Variants in DNER observed in about 807,000 individuals in gnomAD.
DNER encodes the protein delta/notch like EGF repeat containing, also known as delta and Notch-like epidermal growth factor-related receptor.
DNER carries 33 observed loss-of-function variants against 78.2 expected under a neutral mutation model. The ratio of observed to expected loss-of-function variants is 0.42; its 90% CI spans 0.32 to 0.56. The LOEUF is 0.56. Ranked by LOEUF, DNER falls within the 20% of genes least tolerant of loss-of-function variation. The probability of loss-of-function intolerance (pLI) is 0.11; values close to 1 mark genes in which losing one functional copy is unlikely to be tolerated. For missense variants in DNER, 918 were observed against 975.3 expected (o/e 0.94, Z 0.78); for synonymous variants, 417 against 384.8 (o/e 1.08, Z -0.98).
chr2:229,466,509 C>G (rs971617663), intron 7 of DNER, among the ~76,000 whole-genome samples: 1 of 151,918 alleles, frequency 6.6e-6, no homozygotes, highest in Admixed American at 6.6e-5. Flanking sequence ...CCTCTTCAGA[C>G]TCTACCACCT....
chr2:229,435,585 G>A (rs74352267), intron 8 of DNER, among the ~76,000 whole-genome samples: 1,788 of 152,254 alleles, frequency 0.012, 13 homozygotes, highest in Middle Eastern at 0.021. Flanking sequence ...GTATTTTTAC[G>A]GAGTAGTAAA....
chr2:229,380,452 C>T (rs776754363), intron 11 of DNER, among the ~76,000 whole-genome samples: 3 of 152,214 alleles, frequency 2.0e-5, no homozygotes, highest in East Asian at 1.9e-4. Flanking sequence ...TGACAGAGCG[C>T]GGAAGGGAGT....
intron 11 of DNER, among the ~76,000 whole-genome samples, chr2:229,381,627 C>T (rs936721101): frequency 1.4e-4 from 21 of 152,096 alleles, no homozygotes; most frequent in Admixed American, 5.9e-4. Flanking sequence ...CTTGAGTAGG[C>T]GGTTTTCCCC....
intron 8 of DNER, among the ~76,000 whole-genome samples, chr2:229,446,233 T>C (rs1020814101): frequency 6.6e-6 from 1 of 152,204 alleles, no homozygotes; most frequent in African/African-American, 2.4e-5. Flanking sequence ...GCTCACTAAA[T>C]AGTGGCTTAG....
chr2:229,637,365 T>A (rs1009799691), intron 1 of DNER, among the ~76,000 whole-genome samples: 1 of 152,264 alleles, frequency 6.6e-6, no homozygotes, highest in Non-Finnish European at 1.5e-5. Context: ...TCTTGGTCCA[T>A]AGTGGTGTGC....
intron 7 of DNER, among the ~76,000 whole-genome samples, chr2:229,448,247 A>G (rs1402227550): frequency 6.6e-6 from 1 of 152,246 alleles, no homozygotes; most frequent in Admixed American, 6.5e-5. Flanking sequence ...GCATTATGCT[A>G]AGTAAAAGAA....
rs189561230 is a variant in DNER, at chr2:229,591,016, C to T, written c.585+564G>A. 5.9e-5 allele frequency among the ~76,000 whole-genome samples: 9 copies of T among 152,336 alleles called. No individual in the cohort carries two copies. In the East Asian group the frequency reaches 9.6e-4, roughly 16 times the overall value. ...GACACACTGGCTCCCCTTTGCCTTC[C>T]GCCATGATTGTAAGCTTCCAGAGGC... On this transcript the variant is annotated intron_variant, in intron 2 of 12. Coordinates refer to ENST00000341772, the MANE Select transcript of DNER (RefSeq NM_139072.4). The surrounding 1 kb of genome is among the most constrained non-coding windows in gnomAD (Gnocchi z 4.6).
chr2:229,420,849 A>G (rs892237168), intron 8 of DNER, among the ~76,000 whole-genome samples: 1 of 152,230 alleles, frequency 6.6e-6, no homozygotes, highest in Non-Finnish European at 1.5e-5. Context: ...CTGCTATGAA[A>G]AACTACAGAG....
intron 11 of DNER, among the ~76,000 whole-genome samples, chr2:229,377,362 T>C (rs1692630208): frequency 6.6e-6 from 1 of 152,196 alleles, no homozygotes; most frequent in Non-Finnish European, 1.5e-5. Flanking sequence ...TTATAAAGCT[T>C]ACTCAAACAA....
chr2:229,485,364 T>A (rs1245130196), intron 6 of DNER, among the ~76,000 whole-genome samples: 1 of 152,216 alleles, frequency 6.6e-6, no homozygotes, highest in Admixed American at 6.5e-5. Context: ...GACCAGACAC[T>A]TGAAGGAAAT....
In DNER at chr2:229,617,494, C is replaced by T. The variant is rs543203116; in HGVS notation, c.277-25606G>A. On this transcript the variant is annotated intron_variant, in intron 1 of 12. Transcript: ENST00000341772. ...GTCTTCTGAAAAAGGCTCTTAAAGA[C>T]TGATCCACTAAACACATTGGTTGTA... Among the ~76,000 whole-genome samples, 82 of 152,280 alleles carry T rather than the reference C, an allele frequency of 5.4e-4. 3 individuals carry two copies. In the South Asian group the frequency reaches 0.016, roughly 29 times the overall value.
chr2:229,690,834 A>C (rs1190010446), intron 1 of DNER, among the ~76,000 whole-genome samples: 3 of 152,240 alleles, frequency 2.0e-5, no homozygotes, highest in Non-Finnish European at 4.4e-5. Flanking sequence ...TTGTGTGTAT[A>C]CATGTTTGTA....
chr2:229,420,070 A>C (rs752276704), intron 8 of DNER, among the ~76,000 whole-genome samples: 1 of 151,754 alleles, frequency 6.6e-6, no homozygotes, highest in Non-Finnish European at 1.5e-5. Context: ...TCAGCAAACT[A>C]TGGCCCACAG....
At chr2:229,624,242 A>C (rs1434976044) in intron 1 of DNER, among the ~76,000 whole-genome samples, 1 of 152,130 alleles carries the variant, frequency 6.6e-6, no homozygotes, top group Non-Finnish European at 1.5e-5. Flanking sequence ...GGAAAACACA[A>C]CTCTAAGTTA....
intron 11 of DNER, among the ~76,000 whole-genome samples, chr2:229,387,515 GAAAGAA>G (rs1692906151): frequency 4.5e-4 from 33 of 73,580 alleles, no homozygotes; most frequent in Admixed American, 6.2e-4. Context: ...AAGAGAGAAA[GAAAGAA>G]AGAAAGAAAG....
chr2:229,448,542 TA>T (rs1300893288), intron 7 of DNER, among the ~76,000 whole-genome samples: 1 of 152,248 alleles, frequency 6.6e-6, no homozygotes, highest in Non-Finnish European at 1.5e-5. Flanking sequence ...AATAAAATTT[TA>T]TGTTATATAA....
chr2:229,407,118 A>T, intron 10 of DNER, 114 bp downstream of exon 10: 1 of 881,534 alleles, frequency 1.1e-6, no homozygotes, highest in Non-Finnish European at 1.8e-6. Flanking sequence ...TACATTTTGT[A>T]ATGGTGTTTA....
intron 1 of DNER, among the ~76,000 whole-genome samples, chr2:229,694,326 A>G (rs977266114): frequency 6.6e-6 from 1 of 152,310 alleles, no homozygotes; most frequent in East Asian, 1.9e-4. Context: ...GGGGTCAGAG[A>G]CCCTGCACAG....
chr2:229,508,350 A>T (rs1695785569), intron 6 of DNER, among the ~76,000 whole-genome samples: 4 of 152,178 alleles, frequency 2.6e-5, no homozygotes, highest in Admixed American at 2.6e-4. Flanking sequence ...CACATACACA[A>T]CAGAAGACAT....
Sources: gnomAD v4.1 joint callset for allele counts (sites outside exome capture counted in the v4.1 genomes callset) on GRCh38, gnomAD v4.1.1 for gene constraint, Gnocchi (gnomAD v3.1) non-coding constraint, MANE v1.5 for transcripts, NCBI Gene and HGNC (gene_info 2026-07-23, HGNC 2026-07-21) for gene names.